Variants in LINGO2 observed in about 807,000 individuals in gnomAD.
LINGO2 encodes leucine-rich repeat and immunoglobulin-like domain-containing nogo receptor-interacting protein 2.
In LINGO2, 14 loss-of-function variants were observed where a neutral mutation model predicts 30.6. The observed-to-expected ratio is 0.46, with a 90% CI of 0.30 to 0.72. LINGO2 has a LOEUF of 0.72. Among genes scored for constraint, LINGO2 ranks in the 30% least tolerant of loss-of-function variants. The pLI is 0.07. For missense variants in LINGO2, 729 were observed against 751.7 expected (o/e 0.97, Z 0.35); for synonymous variants, 317 against 288.5 (o/e 1.10, Z -1.00).
At chr9:28,285,354 A>T (rs1823467416) in intron 4 of LINGO2, among the ~76,000 whole-genome samples, 1 of 150,772 alleles carries the variant, frequency 6.6e-6, no homozygotes. Context: ...TCTCCATATT[A>T]CTGATTGGAA....
At chr9:28,023,665 A>C (rs894556170) in intron 4 of LINGO2, among the ~76,000 whole-genome samples, 3 of 152,166 alleles carry the variant, frequency 2.0e-5, no homozygotes, top group Non-Finnish European at 4.4e-5. Flanking sequence ...GGCAGGACAA[A>C]GCCTTTTCCT....
the LINGO2 span, among the ~76,000 whole-genome samples, chr9:29,008,147 A>G: frequency 6.6e-6 from 1 of 151,960 alleles, no homozygotes; most frequent in African/African-American, 2.4e-5. Context: ...TCATTGTTCA[A>G]TTCCCACCTA....
chr9:28,694,656 T>C, the LINGO2 span, among the ~76,000 whole-genome samples: 2 of 151,992 alleles, frequency 1.3e-5, no homozygotes, highest in Non-Finnish European at 2.9e-5. Context: ...AGAAGTTAAA[T>C]AACTTACCCA....
chr9:29,162,007 C>T, the LINGO2 span, among the ~76,000 whole-genome samples: 1 of 151,890 alleles, frequency 6.6e-6, no homozygotes, highest in Admixed American at 6.6e-5. Context: ...ACAACCTCTG[C>T]CTCCTGGATT....
At chr9:28,832,726 T>G in the LINGO2 span, among the ~76,000 whole-genome samples, 3 of 152,194 alleles carry the variant, frequency 2.0e-5, no homozygotes, top group African/African-American at 7.2e-5. Flanking sequence ...ATAAGAATAC[T>G]GATCCAGCCA....
intron 5 of LINGO2, among the ~76,000 whole-genome samples, chr9:27,969,043 C>A (rs986975084): frequency 1.3e-5 from 2 of 151,796 alleles, no homozygotes; most frequent in Non-Finnish European, 2.9e-5. Context: ...AATATACATG[C>A]TAATTATCCT....
the LINGO2 span, among the ~76,000 whole-genome samples, chr9:28,770,299 G>A: frequency 6.6e-6 from 1 of 152,244 alleles, no homozygotes; most frequent in Non-Finnish European, 1.5e-5. Flanking sequence ...TTAGCCAACT[G>A]TGTCTTCCAG....
At chr9:29,068,350 T>A in the LINGO2 span, among the ~76,000 whole-genome samples, 1 of 151,752 alleles carries the variant, frequency 6.6e-6, no homozygotes, top group South Asian at 2.1e-4. Flanking sequence ...AAAAAATAAG[T>A]AACAATGTAT....
chr9:28,536,913 C>A (rs79353779), intron 1 of LINGO2, among the ~76,000 whole-genome samples: 3,718 of 152,050 alleles, frequency 0.024, 71 homozygotes, highest in South Asian at 0.073. Context: ...CCCTAAGCAC[C>A]ACATTATACG....
intron 4 of LINGO2, among the ~76,000 whole-genome samples, chr9:28,236,349 A>G (rs1821564606): frequency 6.6e-6 from 1 of 152,206 alleles, no homozygotes; most frequent in Non-Finnish European, 1.5e-5. Context: ...AATCTGAAAA[A>G]TAAATGTTAA....
intron 1 of LINGO2, among the ~76,000 whole-genome samples, chr9:28,499,355 G>T (rs1320211335): frequency 6.6e-6 from 1 of 152,138 alleles, no homozygotes; most frequent in Non-Finnish European, 1.5e-5. Flanking sequence ...ATGTATATAA[G>T]AATAGACCTG....
the LINGO2 span, among the ~76,000 whole-genome samples, chr9:28,767,756 A>T: frequency 7.1e-6 from 1 of 141,148 alleles, no homozygotes; most frequent in Non-Finnish European, 1.5e-5. Flanking sequence ...ACTGCACTCC[A>T]GCCTGGGCAA....
the LINGO2 span, among the ~76,000 whole-genome samples, chr9:28,880,958 T>C: frequency 6.6e-6 from 1 of 152,120 alleles, no homozygotes; most frequent in African/African-American, 2.4e-5. Context: ...TTTGCTCACA[T>C]GTTTGTTGCT....
the LINGO2 span, among the ~76,000 whole-genome samples, chr9:28,834,789 T>G: frequency 1.3e-5 from 2 of 152,312 alleles, no homozygotes; most frequent in African/African-American, 4.8e-5. Flanking sequence ...AATTTTACAT[T>G]TATTTAATTT....
At chr9:29,160,620 T>C in the LINGO2 span, among the ~76,000 whole-genome samples, 15 of 152,206 alleles carry the variant, frequency 9.9e-5, no homozygotes, top group African/African-American at 3.4e-4. Context: ...AATGTTACGA[T>C]TGCAGAAGAA....
chr9:29,129,159 G>A, the LINGO2 span, among the ~76,000 whole-genome samples: 1 of 152,076 alleles, frequency 6.6e-6, no homozygotes, highest in Admixed American at 6.6e-5. Context: ...GTTGTTAGCT[G>A]AGTCTTCTGA....
At chr9:28,392,898 G>A (rs904594216) in intron 2 of LINGO2, among the ~76,000 whole-genome samples, 6 of 152,306 alleles carry the variant, frequency 3.9e-5, no homozygotes, top group African/African-American at 1.2e-4. Flanking sequence ...TAGTTTAATA[G>A]ATTGTTTTTT....
the LINGO2 span, among the ~76,000 whole-genome samples, chr9:28,759,903 T>A: frequency 6.6e-6 from 1 of 152,012 alleles, no homozygotes; most frequent in Non-Finnish European, 1.5e-5. Flanking sequence ...GACCCCACTT[T>A]AAGAATGGCT....
chr9:28,824,368 G>C, the LINGO2 span, among the ~76,000 whole-genome samples: 2 of 152,266 alleles, frequency 1.3e-5, no homozygotes, highest in Admixed American at 1.3e-4. Flanking sequence ...CACATGATTA[G>C]GGCAAATTTA....
Sources: allele counts gnomAD v4.1 joint callset (sites outside exome capture counted in the v4.1 genomes callset), GRCh38; gene constraint gnomAD v4.1.1; transcripts MANE v1.5; gene names NCBI Gene and HGNC (gene_info 2026-07-23, HGNC 2026-07-21).